The following CFAP46 variants were observed in gnomAD, a reference collection of about 807,000 sequenced individuals.
CFAP46 encodes the protein cilia and flagella associated protein 46, also known as cilia- and flagella-associated protein 46.
A neutral mutation model predicts 325.7 loss-of-function variants in CFAP46; 245 were observed. That is an observed-to-expected ratio of 0.75 (90% CI 0.68 to 0.84). The LOEUF is 0.84. CFAP46 is among the 40% of genes least tolerant of loss of function. CFAP46 has a pLI of 0.00. For synonymous variants in CFAP46, 1,523 were observed against 1,495.9 expected, an observed-to-expected ratio of 1.02 and a Z score of -0.42; for missense variants, 3,346 against 3,543.0, an observed-to-expected ratio of 0.94 and a Z score of 1.41.
At chr10:132,825,401 C>T (rs527860546) in intron 50 of CFAP46, among the ~76,000 whole-genome samples, 1 of 152,274 alleles carries the variant, frequency 6.6e-6, no homozygotes, top group African/African-American at 2.4e-5. Flanking sequence ...GCATTTCTTA[C>T]CATCTACAGA....
At chr10:132,809,003 A>G (rs2767431) in intron 57 of CFAP46, 99 bp from the exon 58 acceptor site, 814,948 of 1,230,904 alleles carry the variant, frequency 0.66, 273,649 homozygotes, top group African/African-American at 0.93. Flanking sequence ...CAGCTGCTCC[A>G]ACTGAGGGCG....
chr10:132,816,424 C>T (rs987867772), intron 50 of CFAP46, among the ~76,000 whole-genome samples: 9 of 151,410 alleles, frequency 5.9e-5, no homozygotes, highest in South Asian at 2.1e-4. Context: ...CTCCACCTCC[C>T]GGGTTCACAC....
chr10:132,901,816 G>C (rs1849395731), intron 22 of CFAP46, among the ~76,000 whole-genome samples: 1 of 152,198 alleles, frequency 6.6e-6, no homozygotes, highest in Non-Finnish European at 1.5e-5. Context: ...AAAATGTCTT[G>C]ATTCTGTCTT....
chr10:132,857,134 A>G (rs1290469830), intron 39 of CFAP46, among the ~76,000 whole-genome samples: 1 of 152,220 alleles, frequency 6.6e-6, no homozygotes, highest in Admixed American at 6.5e-5. Flanking sequence ...GTTCTTCCCC[A>G]GCATGGGGTA....
At position 132,909,179 on chromosome 10, in the gene CFAP46, G is replaced by A. The variant is rs766069401; in HGVS notation, c.2715C>T (p.Asn905=). The A allele has an allele frequency of 5.3e-5, 82 of 1,550,060 alleles. No individual in the cohort carries two copies. The highest frequency in any genetic ancestry group is 3.9e-4 in the East Asian group (16 of 40,912). Residue 905 remains asparagine (N), a synonymous_variant, in exon 21 of 58, where the codon AAC becomes AAT. Transcript: ENST00000368586. Reference sequence around the variant, plus strand: ...CAGTGAAGTCCATGAGGCCCAGCCCGTTGCATGAGTACATTTCCAAGGCAA... The same window carrying A: ...CAGTGAAGTCCATGAGGCCCAGCCCATTGCATGAGTACATTTCCAAGGCAA... ...VLVALEMYSC[N]GLGLMDFTVP... is the part of the protein sequence containing the mutation.
At position 132,823,753 on chromosome 10, in the gene CFAP46, G is replaced by A. The variant is rs1018520817; in HGVS notation, c.7118-8839C>T. On this transcript the variant is annotated intron_variant, in intron 50 of 57. Coordinates refer to ENST00000368586, the MANE Select transcript of CFAP46 (RefSeq NM_001200049.3). ...TGATGTGTGCTGTGTGCGCTGATGT[G>A]TGCTGTGTGTGTGCTGTGTGCTGTG... Among the ~76,000 whole-genome samples, 7 of 114,904 alleles carry A rather than the reference G, an allele frequency of 6.1e-5. 1 individual carries two copies. Among genetic ancestry groups the A allele is most frequent in the African/African-American group, 1.7e-4 (6 of 35,102 alleles). 75.4% of individuals were successfully genotyped at this position (114,904 alleles called of 152,430 possible). A position where few individuals can be genotyped will look rare whatever the true frequency, so the allele number is the denominator to read the frequency against.
chr10:132,913,346 C>A, intron 17 of CFAP46, 88 bp from the exon 18 acceptor site: 1 of 703,922 alleles, frequency 1.4e-6, no homozygotes, highest in Non-Finnish European at 2.3e-6. Flanking sequence ...TGTTAGGAAC[C>A]AGGCTGCAGG....
intron 39 of CFAP46, 31 bp downstream of exon 39, chr10:132,857,559 A>T (rs1848659857): frequency 6.2e-7 from 1 of 1,600,962 alleles, no homozygotes; most frequent in Non-Finnish European, 8.5e-7. Context: ...GGAGTGACCC[A>T]GTGTGCACAG....
chr10:132,832,519 C>CCTCATTT lies in CFAP46; in HGVS notation c.7117+832_7117+838dup. ...GGACTGCTCGTCAATGTTTGAAAAC[C>CCTCATTT]CTCATTTCATGTGCTTTTCTCTGGT... On this transcript the variant is annotated intron_variant, in intron 50 of 57. Transcript: ENST00000368586. This position sits in a 1 kb window ranked among gnomAD's most constrained non-coding sequence, Gnocchi z 4.1. 1 of 321,770 alleles carries CCTCATTT rather than the reference C, an allele frequency of 3.1e-6. No individual in the cohort carries two copies. Among genetic ancestry groups the CCTCATTT allele is most frequent in the South Asian group, 2.4e-5 (1 of 42,128 alleles). 19.9% of individuals were successfully genotyped at this position (321,770 alleles called of 1,614,324 possible). A position where few individuals can be genotyped will look rare whatever the true frequency, so the allele number is the denominator to read the frequency against.
Position 132,814,437 on chromosome 10 carries a change from T to A in CFAP46, c.7285+140A>T, listed in dbSNP as rs1248761616. On this transcript the variant is annotated intron_variant, in intron 53 of 57. Coordinates refer to ENST00000368586, the MANE Select transcript of CFAP46 (RefSeq NM_001200049.3). ...AGAAAACCTCAACAAATTAAAATAT[T>A]TACAGCCAAAATGGGGCAAGCACAT... 4.2e-6 allele frequency: 5 copies of A among 1,202,294 alleles called. No individual in the cohort carries two copies. The East Asian group carries it at 1.3e-4, about 31-fold the overall frequency. 74.5% of individuals were successfully genotyped at this position (1,202,294 alleles called of 1,614,324 possible).
intron 39 of CFAP46, among the ~76,000 whole-genome samples, chr10:132,854,583 C>T (rs952848022): frequency 6.6e-6 from 1 of 152,068 alleles, no homozygotes; most frequent in South Asian, 2.1e-4. Flanking sequence ...GTGATCTGCC[C>T]TCCTCAGCCT....
chr10:132,812,777 C>A lies in CFAP46; in HGVS notation c.7501+8G>T, dbSNP rs1343923273. ...CGGGGGAGGGGGTGCTGAGAGGACA[C>A]CTCTCACCTTGCAAGTTCATGGCGA... On this transcript the variant is annotated splice_region_variant and intron_variant, in intron 55 of 57. Transcript: ENST00000368586. 1.9e-6 allele frequency: 3 copies of A among 1,604,454 alleles called. No individual in the cohort carries two copies. The highest frequency in any genetic ancestry group is 1.7e-5 in the Admixed American group (1 of 59,988).
At chr10:132,824,060 CTGATGTGT>C (rs1847969520) in intron 50 of CFAP46, among the ~76,000 whole-genome samples, 1 of 105,108 alleles carries the variant, frequency 9.5e-6, no homozygotes. Context: ...GCTGTGTGTG[CTGATGTGT>C]GCTGATGTGT....
At chr10:132,870,773 T>TGAAGCAGCAAGTGCTGATGGA (rs2135306675) in intron 32 of CFAP46, among the ~76,000 whole-genome samples, 1 of 152,238 alleles carries the variant, frequency 6.6e-6, no homozygotes, top group Admixed American at 6.5e-5. Flanking sequence ...AAATGCCAGG[T>TGAAGCAGCAAGTGCTGATGGA]GAAGCAGCAA....
At chr10:132,899,745 C>A in intron 22 of CFAP46, 79 bp from the exon 23 acceptor site, 1 of 1,451,166 alleles carries the variant, frequency 6.9e-7, no homozygotes, top group Non-Finnish European at 9.2e-7. Flanking sequence ...CTGTCTTGAA[C>A]TGTGGACTAC....
At chr10:132,917,000 G>A (rs927120703) in intron 16 of CFAP46, among the ~76,000 whole-genome samples, 1 of 152,222 alleles carries the variant, frequency 6.6e-6, no homozygotes, top group Non-Finnish European at 1.5e-5. Flanking sequence ...GCCAGCATTT[G>A]CACCTCCCCT....
At chr10:132,930,570 T>C (rs1253477028) in intron 8 of CFAP46, among the ~76,000 whole-genome samples, 5 of 76,040 alleles carry the variant, frequency 6.6e-5, no homozygotes, top group Admixed American at 3.4e-4. Context: ...TGGGCCTTCC[T>C]CCTCCACAAA....
intron 21 of CFAP46, 124 bp downstream of exon 21, chr10:132,909,013 G>A (rs1849500772): frequency 1.5e-6 from 1 of 678,246 alleles, no homozygotes; most frequent in East Asian, 2.7e-5. Flanking sequence ...GGGAGGTGGG[G>A]GAGAGCGGGG....
intron 43 of CFAP46, among the ~76,000 whole-genome samples, chr10:132,846,681 G>A (rs1045751854): frequency 2.6e-5 from 4 of 151,232 alleles, no homozygotes; most frequent in South Asian, 2.1e-4. Context: ...CCGCATGGAC[G>A]GGGCCCTGCT....
Sources: allele counts gnomAD v4.1 joint callset (sites outside exome capture counted in the v4.1 genomes callset), GRCh38; gene constraint gnomAD v4.1.1; non-coding constraint Gnocchi (gnomAD v3.1); transcripts MANE v1.5; gene names NCBI Gene and HGNC (gene_info 2026-07-23, HGNC 2026-07-21).